ATRNL1: variants seen among roughly 807,000 people sequenced by gnomAD.
ATRNL1 encodes attractin-like protein 1.
Under a neutral mutation model 182.7 loss-of-function variants are expected in ATRNL1, and 95 were observed. That is an observed-to-expected ratio of 0.52 (90% confidence interval 0.44 to 0.62). The LOEUF (loss-of-function observed/expected upper bound fraction) is 0.62, where lower values mean the gene tolerates loss of function less well. ATRNL1 is among the 20% of genes least tolerant of loss of function. The probability of loss-of-function intolerance (pLI) is 0.00; values close to 1 mark genes in which losing one functional copy is unlikely to be tolerated. For missense variants in ATRNL1, 1,471 were observed against 1,679.5 expected (o/e 0.88, Z 2.17); for synonymous variants, 576 against 568.3 (o/e 1.01, Z -0.19).
At chr10:115,566,762 G>A (rs915681688) in intron 26 of ATRNL1, among the ~76,000 whole-genome samples, 2 of 152,030 alleles carry the variant, frequency 1.3e-5, no homozygotes, top group Non-Finnish European at 2.9e-5. Context: ...AATTATGACT[G>A]TATTATGATA....
At chr10:115,426,867 T>C (rs1845925736) in intron 21 of ATRNL1, among the ~76,000 whole-genome samples, 2 of 152,036 alleles carry the variant, frequency 1.3e-5, no homozygotes, top group African/African-American at 4.8e-5. Flanking sequence ...TGGGATTACA[T>C]GTGCCCACCA....
intron 28 of ATRNL1, among the ~76,000 whole-genome samples, chr10:115,919,657 C>T (rs1952985426): frequency 6.6e-6 from 1 of 151,804 alleles, no homozygotes; most frequent in Non-Finnish European, 1.5e-5. Context: ...TATGCATACA[C>T]ATATATATAT....
chr10:115,472,844 C>A (rs1848366981), intron 24 of ATRNL1, among the ~76,000 whole-genome samples: 1 of 150,946 alleles, frequency 6.6e-6, no homozygotes, highest in South Asian at 2.1e-4. Flanking sequence ...TTTTCCTTGT[C>A]TAATTGCTTT....
intron 26 of ATRNL1, among the ~76,000 whole-genome samples, chr10:115,593,256 G>A (rs912062536): frequency 8.5e-5 from 13 of 152,116 alleles, no homozygotes; most frequent in African/African-American, 1.9e-4. Context: ...ACCTCATGAC[G>A]TAATCACCAC....
chr10:115,379,227 C>T (rs1413727462), intron 19 of ATRNL1, among the ~76,000 whole-genome samples: 1 of 152,136 alleles, frequency 6.6e-6, no homozygotes. Context: ...ACAAAGGCCA[C>T]TGTATAATGC....
intron 8 of ATRNL1, among the ~76,000 whole-genome samples, chr10:115,211,624 T>A (rs1411433624): frequency 6.6e-6 from 1 of 151,876 alleles, no homozygotes; most frequent in African/African-American, 2.4e-5. Context: ...CTTTTTTTTT[T>A]ATTATACTTT....
At chr10:115,286,742 C>T (rs935356775) in intron 15 of ATRNL1, among the ~76,000 whole-genome samples, 33 of 151,802 alleles carry the variant, frequency 2.2e-4, no homozygotes, top group African/African-American at 6.0e-4. Context: ...CAATTATAGT[C>T]GATCCTCTGT....
chr10:115,599,703 T>C (rs1262297753), intron 26 of ATRNL1, among the ~76,000 whole-genome samples: 1 of 152,174 alleles, frequency 6.6e-6, no homozygotes, highest in Non-Finnish European at 1.5e-5. Flanking sequence ...TTGGAATGAC[T>C]AACAAAATAG....
intron 14 of ATRNL1, among the ~76,000 whole-genome samples, chr10:115,283,050 CAG>C (rs1346564163): frequency 5.3e-5 from 8 of 151,930 alleles, no homozygotes; most frequent in Admixed American, 1.3e-4. Context: ...AATTCCATCA[CAG>C]AATTTGTCTG....
chr10:115,274,734 A>G (rs1441965772), intron 13 of ATRNL1, among the ~76,000 whole-genome samples: 2 of 152,196 alleles, frequency 1.3e-5, no homozygotes, highest in African/African-American at 4.8e-5. Flanking sequence ...TATTGCTACC[A>G]TTGCCAGCTG....
At chr10:115,680,859 G>A (rs563762256) in intron 26 of ATRNL1, among the ~76,000 whole-genome samples, 10 of 152,216 alleles carry the variant, frequency 6.6e-5, no homozygotes, top group African/African-American at 2.4e-4. Flanking sequence ...AGATAATCAT[G>A]TGAATACCAT....
chr10:115,255,213 A>C (rs879951064), intron 10 of ATRNL1, among the ~76,000 whole-genome samples: 4 of 152,176 alleles, frequency 2.6e-5, no homozygotes, highest in Non-Finnish European at 4.4e-5. Context: ...TGAATCTATA[A>C]ATTACCTTTG....
intron 9 of ATRNL1, among the ~76,000 whole-genome samples, chr10:115,232,098 T>C (rs1365747457): frequency 6.6e-6 from 1 of 152,184 alleles, no homozygotes; most frequent in Non-Finnish European, 1.5e-5. Flanking sequence ...TTTAGTCTTC[T>C]ATTGTTTCAC....
intron 26 of ATRNL1, among the ~76,000 whole-genome samples, chr10:115,634,944 G>A (rs1294818513): frequency 6.6e-6 from 1 of 150,686 alleles, no homozygotes; most frequent in Non-Finnish European, 1.5e-5. Flanking sequence ...TAGAGAGTTT[G>A]AAAAAAAATT....
intron 10 of ATRNL1, among the ~76,000 whole-genome samples, chr10:115,263,668 C>T (rs1178084639): frequency 6.6e-6 from 1 of 151,698 alleles, no homozygotes; most frequent in East Asian, 1.9e-4. Context: ...ACAGTTTATA[C>T]TTTATATAAT....
intron 20 of ATRNL1, among the ~76,000 whole-genome samples, chr10:115,420,531 A>T (rs1845603851): frequency 6.6e-6 from 1 of 152,214 alleles, no homozygotes; most frequent in Admixed American, 6.5e-5. Flanking sequence ...AATACAACAT[A>T]CCAAAACTTA....
chr10:115,686,463 T>C (rs1416520587), intron 26 of ATRNL1, among the ~76,000 whole-genome samples: 1 of 152,052 alleles, frequency 6.6e-6, no homozygotes, highest in Non-Finnish European at 1.5e-5. Flanking sequence ...TGGTAAGACC[T>C]GCTATTAACC....
chr10:115,270,960 A>T (rs1186048968), intron 13 of ATRNL1, among the ~76,000 whole-genome samples: 1 of 152,154 alleles, frequency 6.6e-6, no homozygotes, highest in South Asian at 2.1e-4. Flanking sequence ...TCTACCTAAC[A>T]TAATACAAGT....
At chr10:115,721,958 C>T (rs1947440538) in intron 26 of ATRNL1, among the ~76,000 whole-genome samples, 1 of 152,070 alleles carries the variant, frequency 6.6e-6, no homozygotes, top group Non-Finnish European at 1.5e-5. Flanking sequence ...TCTGCTGTGG[C>T]TATTTGACAA....
Sources: allele counts gnomAD v4.1 joint callset (sites outside exome capture counted in the v4.1 genomes callset), GRCh38; gene constraint gnomAD v4.1.1; transcripts MANE v1.5; gene names NCBI Gene and HGNC (gene_info 2026-07-23, HGNC 2026-07-21).